Variants in CCDC91 observed in about 807,000 individuals in gnomAD.
The protein encoded by CCDC91 is coiled-coil domain-containing protein 91.
CCDC91 carries 48 observed loss-of-function variants against 63.2 expected under a neutral mutation model. The ratio of observed to expected loss-of-function variants is 0.76; its 90% CI spans 0.60 to 0.97. The LOEUF (loss-of-function observed/expected upper bound fraction) is 0.97. CCDC91 is among the 50% of genes least tolerant of loss of function. The pLI is 0.00. For synonymous variants in CCDC91, 167 were observed against 165.8 expected (o/e 1.01, Z -0.06); for missense variants, 500 against 494.6 (o/e 1.01, Z -0.10).
intron 8 of CCDC91, among the ~76,000 whole-genome samples, chr12:28,396,642 TTTTGTGTGTGTGTGTGTGTGTG>T (rs1946305719): frequency 6.7e-6 from 1 of 148,504 alleles, no homozygotes; most frequent in Non-Finnish European, 1.5e-5. Flanking sequence ...ATAAAGGAGA[TTTTGTGTGTGTGTGTGTGTGTG>T]TGTGTGTGTG....
At chr12:28,291,519 A>T (rs1254919708) in intron 3 of CCDC91, among the ~76,000 whole-genome samples, 1 of 152,168 alleles carries the variant, frequency 6.6e-6, no homozygotes, top group Non-Finnish European at 1.5e-5. Context: ...GCTGTTGTGG[A>T]TCATACCAGC....
At chr12:28,214,538 G>A (rs1273539913) in intron 1 of CCDC91, among the ~76,000 whole-genome samples, 4 of 151,964 alleles carry the variant, frequency 2.6e-5, no homozygotes, top group African/African-American at 9.7e-5. Context: ...ACAGAAACAA[G>A]GCCTGTAATT....
At chr12:28,372,611 G>T (rs200817616) in intron 7 of CCDC91, among the ~76,000 whole-genome samples, 2 of 151,854 alleles carry the variant, frequency 1.3e-5, no homozygotes, top group African/African-American at 4.8e-5. Context: ...TATTGTAAAT[G>T]GATTGTGTTT....
intron 11 of CCDC91, among the ~76,000 whole-genome samples, chr12:28,452,925 A>G (rs945146176): frequency 6.6e-6 from 1 of 151,878 alleles, no homozygotes; most frequent in African/African-American, 2.4e-5. Context: ...ATTTATGTTT[A>G]GTCATTGCAA....
At position 28,479,039 on chromosome 12, in the gene CCDC91, G is replaced by A. The variant is rs185165944; in HGVS notation, c.1102-5013G>A. ...GGGACTGTAAATTAGTTCAACCATCGTGGAAGACAGTATGGCGATTCCTCG... is the reference window on the plus strand; with the variant it reads ...GGGACTGTAAATTAGTTCAACCATCATGGAAGACAGTATGGCGATTCCTCG... On this transcript the variant is annotated intron_variant, in intron 11 of 12. Coordinates refer to ENST00000536442, the MANE Select transcript of CCDC91 (RefSeq NM_018318.5). Among the ~76,000 whole-genome samples the A allele has an allele frequency of 7.8e-4, 118 of 152,248 alleles. 1 individual carries two copies. In the East Asian group the frequency reaches 0.015, roughly 19 times the overall value.
chr12:28,330,433 C>G (rs1941402955), intron 6 of CCDC91, among the ~76,000 whole-genome samples: 1 of 151,374 alleles, frequency 6.6e-6, no homozygotes, highest in Non-Finnish European at 1.5e-5. Flanking sequence ...AGTGTCTGTT[C>G]ATATCTGTCG....
chr12:28,439,954 T>C (rs114783850), intron 8 of CCDC91, among the ~76,000 whole-genome samples: 2,249 of 151,788 alleles, frequency 0.015, 67 homozygotes, highest in African/African-American at 0.052. Context: ...GGTTTGCATT[T>C]ATTTCTTCAA....
Position 28,306,956 on chromosome 12 carries a change from A to C in CCDC91, c.471+11A>C. The C allele has an allele frequency of 6.6e-7, 1 of 1,526,120 alleles. No individual in the cohort carries two copies. Among genetic ancestry groups the C allele is most frequent in the Middle Eastern group, 1.8e-4 (1 of 5,584 alleles). The allele number at this position is 1,526,120 out of a possible 1,614,324, so 94.5% of individuals were successfully genotyped here. A position where few individuals can be genotyped will look rare whatever the true frequency, so the allele number is the denominator to read the frequency against. On this transcript the variant is annotated intron_variant, in intron 5 of 12. Coordinates refer to ENST00000536442, the MANE Select transcript of CCDC91 (RefSeq NM_018318.5). ...CAGAGAATTAAACAGGTATATTTAC[A>C]TTTGCCTAAGAAATGTTTGAATTGC...
chr12:28,526,107 A>G (rs150818075), intron 12 of CCDC91, among the ~76,000 whole-genome samples: 197 of 150,648 alleles, frequency 1.3e-3, no homozygotes, highest in African/African-American at 4.6e-3. Context: ...TAGTATTGAG[A>G]TGTGAGGTAC....
In CCDC91 at chr12:28,257,258, A is replaced by G. The variant is rs1565682058; in HGVS notation, c.30+13A>G. On this transcript the variant is annotated intron_variant, in intron 2 of 12. Coordinates refer to ENST00000536442, the MANE Select transcript of CCDC91 (RefSeq NM_018318.5). ...TGGTGGTTTTGAGGTATGCACTGTT[A>G]TTTACATTAGTTTGTTTTAACTTTG... The G allele has an allele frequency of 6.3e-7, 1 of 1,588,420 alleles. No homozygotes were observed. The highest frequency in any genetic ancestry group is 8.6e-7 in the Non-Finnish European group (1 of 1,157,804).
At chr12:28,207,810 C>T (rs1299636818) in intron 1 of CCDC91, among the ~76,000 whole-genome samples, 1 of 152,072 alleles carries the variant, frequency 6.6e-6, no homozygotes, top group Non-Finnish European at 1.5e-5. Context: ...TCAATAAGGA[C>T]AAGGCAGCTG....
chr12:28,478,621 TTAAAC>T (rs1286186637), intron 11 of CCDC91, among the ~76,000 whole-genome samples: 1 of 152,116 alleles, frequency 6.6e-6, no homozygotes, highest in African/African-American at 2.4e-5. Context: ...TGGGATCTAA[TTAAAC>T]TAAAGAGCTT....
At chr12:28,504,928 A>G (rs1938513385) in intron 12 of CCDC91, among the ~76,000 whole-genome samples, 1 of 151,986 alleles carries the variant, frequency 6.6e-6, no homozygotes, top group South Asian at 2.1e-4. Context: ...AACAAAAATG[A>G]CAGATCAGTA....
At chr12:28,254,017 A>G (rs189800456) in intron 1 of CCDC91, among the ~76,000 whole-genome samples, 1 of 152,148 alleles carries the variant, frequency 6.6e-6, no homozygotes, top group Non-Finnish European at 1.5e-5. Context: ...ACCTTAACTG[A>G]TACAGAATTG....
At chr12:28,436,749 T>C (rs985189898) in intron 8 of CCDC91, among the ~76,000 whole-genome samples, 1 of 151,874 alleles carries the variant, frequency 6.6e-6, no homozygotes, top group Non-Finnish European at 1.5e-5. Flanking sequence ...GGGTACACAA[T>C]TCCAGATTTT....
intron 1 of CCDC91, among the ~76,000 whole-genome samples, chr12:28,229,583 G>A (rs561867572): frequency 6.6e-6 from 1 of 152,232 alleles, no homozygotes; most frequent in African/African-American, 2.4e-5. Context: ...TCTAAAATGG[G>A]ACTGAACTTT....
At chr12:28,357,824 A>G (rs1455886135) in intron 6 of CCDC91, among the ~76,000 whole-genome samples, 1 of 152,134 alleles carries the variant, frequency 6.6e-6, no homozygotes, top group African/African-American at 2.4e-5. Context: ...AGTTTTATTT[A>G]AGGTGAGGAT....
At chr12:28,305,907 A>C in intron 4 of CCDC91, 101 bp downstream of exon 4, 4 of 998,800 alleles carry the variant, frequency 4.0e-6, no homozygotes, top group Non-Finnish European at 5.9e-6. Flanking sequence ...TATTTGTCTA[A>C]AAGAAGTATT....
At chr12:28,273,595 G>A (rs890731787) in intron 3 of CCDC91, among the ~76,000 whole-genome samples, 1 of 152,128 alleles carries the variant, frequency 6.6e-6, no homozygotes, top group Non-Finnish European at 1.5e-5. Flanking sequence ...GGCCAGTGAT[G>A]ATGAGCATTT....
Sources: gnomAD v4.1 joint callset for allele counts (sites outside exome capture counted in the v4.1 genomes callset) on GRCh38, gnomAD v4.1.1 for gene constraint, MANE v1.5 for transcripts, NCBI Gene and HGNC (gene_info 2026-07-23, HGNC 2026-07-21) for gene names.